The following INPP4B variants were observed in gnomAD, a reference collection of about 807,000 sequenced individuals.
INPP4B encodes the protein inositol polyphosphate-4-phosphatase type II B, also known as inositol polyphosphate 4-phosphatase type II.
Under a neutral mutation model 122.5 loss-of-function variants are expected in INPP4B, and 55 were observed. The observed-to-expected ratio is 0.45, with a 90% CI of 0.36 to 0.56. The LOEUF (loss-of-function observed/expected upper bound fraction) is 0.56, where lower values mean the gene tolerates loss of function less well. INPP4B is among the 20% of genes least tolerant of loss of function. INPP4B has a pLI of 0.00. For synonymous variants in INPP4B, 403 were observed against 388.7 expected (o/e 1.04, Z -0.43); for missense variants, 1,000 against 1,097.7 (o/e 0.91, Z 1.26).
intron 25 of INPP4B, chr4:142,029,320 AATTTATT>A (rs1738346444): frequency 1.0e-6 from 1 of 985,398 alleles, no homozygotes; most frequent in African/African-American, 1.7e-5. Flanking sequence ...TAAGGCATTT[AATTTATT>A]AAGTCTGGCC....
rs75705559 is a variant in INPP4B, at chr4:142,534,894, G to A, written c.-190-72168C>T. Reference sequence around the variant, plus strand: ...TTATCTAAGAGTAAGTAAAACATTTGTTTTACTCTTTATTACAGGTATAGC... The same window carrying A: ...TTATCTAAGAGTAAGTAAAACATTTATTTTACTCTTTATTACAGGTATAGC... On this transcript the variant is annotated intron_variant, in intron 2 of 25. Transcript: ENST00000262992. Among the ~76,000 whole-genome samples, 1,423 of 151,840 alleles carry A rather than the reference G, an allele frequency of 9.4e-3. 8 individuals are homozygous for A. The highest frequency in any genetic ancestry group is 0.016 in the Non-Finnish European group (1,088 of 67,926).
At chr4:142,575,474 G>A (rs1353681609) in intron 2 of INPP4B, among the ~76,000 whole-genome samples, 2 of 151,990 alleles carry the variant, frequency 1.3e-5, no homozygotes, top group African/African-American at 4.8e-5. Flanking sequence ...CTTACTATCT[G>A]TCTCATATAT....
intron 2 of INPP4B, among the ~76,000 whole-genome samples, chr4:142,533,418 A>G (rs1251102026): frequency 1.1e-4 from 17 of 152,140 alleles, no homozygotes; most frequent in Admixed American, 1.1e-3. Context: ...GATTTTTAAG[A>G]AAGAGGAATT....
Position 142,761,214 on chromosome 4 carries a change from T to C in INPP4B, c.-253-35313A>G, listed in dbSNP as rs1019565468. 3.3e-5 allele frequency among the ~76,000 whole-genome samples: 5 copies of C among 152,122 alleles called. No individual in the cohort carries two copies. In the East Asian group the frequency reaches 5.8e-4, roughly 18 times the overall value. On this transcript the variant is annotated intron_variant, in intron 1 of 25. Coordinates refer to ENST00000262992, the MANE Select transcript of INPP4B (RefSeq NM_001101669.3). ...TTTGCTAAAAAATATCCACACCTTA[T>C]TGAGCATTTTTAATTGTATTCTGCA...
At chr4:142,714,329 G>A (rs1288858128) in intron 2 of INPP4B, among the ~76,000 whole-genome samples, 2 of 152,184 alleles carry the variant, frequency 1.3e-5, no homozygotes, top group African/African-American at 4.8e-5. Context: ...CCTCAACCAT[G>A]TTCTCTTCTT....
rs1002230796 is a variant in INPP4B, at chr4:142,201,809, G to A, written c.1072+6616C>T. 7.9e-5 allele frequency among the ~76,000 whole-genome samples: 12 copies of A among 152,042 alleles called. No homozygotes were observed. The East Asian group carries it at 1.4e-3, about 17-fold the overall frequency. On this transcript the variant is annotated intron_variant, in intron 14 of 25. Transcript: ENST00000262992. ...AGTAACAATTTGGTCGGTAAAATCC[G>A]TATTATCATTTAAAAAATATTTTTA...
chr4:142,499,700 A>G (rs1325075109), intron 2 of INPP4B, among the ~76,000 whole-genome samples: 8 of 152,184 alleles, frequency 5.3e-5, no homozygotes, highest in Admixed American at 5.2e-4. Context: ...TCATCCATCA[A>G]CCCACAGGAG....
chr4:142,054,252 C>T (rs1453448434), intron 25 of INPP4B, among the ~76,000 whole-genome samples: 1 of 151,712 alleles, frequency 6.6e-6, no homozygotes, highest in East Asian at 1.9e-4. Flanking sequence ...ACCACAACAC[C>T]CTATTTTTTT....
intron 18 of INPP4B, among the ~76,000 whole-genome samples, chr4:142,129,782 T>C (rs1800386209): frequency 6.6e-6 from 1 of 152,212 alleles, no homozygotes; most frequent in African/African-American, 2.4e-5. Context: ...TTGAGAAATC[T>C]ATTTTTATTT....
chr4:142,173,822 A>C lies in INPP4B; in HGVS notation c.1182-13T>G. ...CTGGTATCCGGTACTGCAACAACAA[A>C]GATAAAAATAAGTTACACAAACAGC... On this transcript the variant is annotated splice_polypyrimidine_tract_variant and intron_variant, in intron 15 of 25. Coordinates refer to ENST00000262992, the MANE Select transcript of INPP4B (RefSeq NM_001101669.3). 6.2e-7 allele frequency: 1 copy of C among 1,608,112 alleles called. No homozygotes were observed. The highest frequency in any genetic ancestry group is 8.5e-7 in the Non-Finnish European group (1 of 1,175,220).
intron 11 of INPP4B, among the ~76,000 whole-genome samples, chr4:142,253,380 T>C (rs1733524223): frequency 6.6e-6 from 1 of 152,230 alleles, no homozygotes; most frequent in African/African-American, 2.4e-5. Context: ...ACAGCTCCGG[T>C]CTACAGCTCC....
chr4:142,068,760 T>A (rs932008834), intron 25 of INPP4B, among the ~76,000 whole-genome samples: 1 of 152,166 alleles, frequency 6.6e-6, no homozygotes, highest in African/African-American at 2.4e-5. Flanking sequence ...GGTAAAGGGA[T>A]CAATTCAACA....
chr4:142,253,647 G>C (rs941905066), intron 11 of INPP4B, among the ~76,000 whole-genome samples: 3 of 152,196 alleles, frequency 2.0e-5, no homozygotes, highest in Non-Finnish European at 4.4e-5. Context: ...CTTTTCCGAC[G>C]GGCTTAAAAA....
chr4:142,493,031 T>C (rs1366614903), intron 2 of INPP4B, among the ~76,000 whole-genome samples: 1 of 152,212 alleles, frequency 6.6e-6, no homozygotes, highest in Non-Finnish European at 1.5e-5. Context: ...CAGCTTCAGC[T>C]GTGGCTAAAA....
chr4:142,391,021 A>T (rs1455853586), intron 7 of INPP4B, among the ~76,000 whole-genome samples: 1 of 152,226 alleles, frequency 6.6e-6, no homozygotes, highest in Admixed American at 6.5e-5. Context: ...AATGAATATA[A>T]ACCAGACTGA....
At chr4:142,815,147 T>G (rs1779968189) in intron 1 of INPP4B, among the ~76,000 whole-genome samples, 1 of 152,104 alleles carries the variant, frequency 6.6e-6, no homozygotes, top group East Asian at 1.9e-4. Flanking sequence ...TCTAGAGGGG[T>G]GTCCTACAAG....
intron 1 of INPP4B, among the ~76,000 whole-genome samples, chr4:142,786,288 A>G (rs1027102342): frequency 2.0e-5 from 3 of 152,152 alleles, no homozygotes; most frequent in Non-Finnish European, 2.9e-5. Flanking sequence ...CCTCATATTG[A>G]TGGGACTATA....
In INPP4B at chr4:142,395,255, A is replaced by G. The variant is rs1156986873; in HGVS notation, c.372+7683T>C. On this transcript the variant is annotated intron_variant, in intron 7 of 25. Transcript: ENST00000262992. ...TGTAAATTCCAGAGAAAAGGAAATG[A>G]AAGAGGCAGAAATGAAAATGCAAAT... 2.0e-5 allele frequency among the ~76,000 whole-genome samples: 3 copies of G among 152,208 alleles called. No individual in the cohort carries two copies. In the East Asian group the frequency reaches 5.8e-4, roughly 29 times the overall value.
chr4:142,528,490 C>A (rs938806621), intron 2 of INPP4B, among the ~76,000 whole-genome samples: 1 of 152,062 alleles, frequency 6.6e-6, no homozygotes, highest in African/African-American at 2.4e-5. Context: ...TGCCCTCTAT[C>A]CAGGCAAGAA....
Sources: gnomAD v4.1 joint callset for allele counts (sites outside exome capture counted in the v4.1 genomes callset) on GRCh38, gnomAD v4.1.1 for gene constraint, MANE v1.5 for transcripts, NCBI Gene and HGNC (gene_info 2026-07-23, HGNC 2026-07-21) for gene names.